ANK2: variants seen among roughly 807,000 people sequenced by gnomAD.
ANK2 encodes ankyrin 2, also known as ankyrin-2.
ANK2 carries 83 observed loss-of-function variants against 360.5 expected under a neutral mutation model. The ratio of observed to expected loss-of-function variants is 0.23; its 90% CI spans 0.19 to 0.28. The LOEUF is 0.28. Ranked by LOEUF, ANK2 falls within the 10% of genes least tolerant of loss-of-function variation. The probability of loss-of-function intolerance (pLI) is 1.00; values close to 1 mark genes in which losing one functional copy is unlikely to be tolerated. For synonymous variants in ANK2, 1,740 were observed against 1,759.5 expected, an observed-to-expected ratio of 0.99 and a Z score of 0.28; for missense variants, 4,201 against 4,795.7, an observed-to-expected ratio of 0.88 and a Z score of 3.66.
chr4:113,357,507 C>T lies in ANK2; in HGVS notation c.8889C>T (p.Thr2963=). Residue 2963 remains threonine (T), a synonymous_variant, in exon 38 of 46, where the codon ACC becomes ACT. Coordinates refer to ENST00000357077, the MANE Select transcript of ANK2 (RefSeq NM_001148.6). ...SFHSSEVYSV[T]ITSPVEDVVV... is the part of the protein sequence containing the mutation. ...ACTCTTCTGAAGTGTATTCTGTTAC[C>T]ATCACATCCCCTGTTGAAGACGTTG... is the stretch of plus-strand genomic sequence containing the variant. 1 of 1,614,110 alleles carries T rather than the reference C, an allele frequency of 6.2e-7. No homozygotes were observed. Among genetic ancestry groups the T allele is most frequent in the African/African-American group, 1.3e-5 (1 of 75,040 alleles).
intron 2 of ANK2, among the ~76,000 whole-genome samples, chr4:112,942,362 C>A (rs1308223827): frequency 6.6e-6 from 1 of 151,966 alleles, no homozygotes; most frequent in African/African-American, 2.4e-5. Flanking sequence ...CAATATTTGT[C>A]GAGAGAATGA....
At chr4:112,791,483 T>TC in the ANK2 span, among the ~76,000 whole-genome samples, 1 of 65,828 alleles carries the variant, frequency 1.5e-5, no homozygotes, top group South Asian at 4.8e-4. Context: ...CTTCTTCTTT[T>TC]TTTTTTTTTT....
chr4:113,120,749 G>A (rs2095299651), intron 1 of ANK2, among the ~76,000 whole-genome samples: 1 of 152,004 alleles, frequency 6.6e-6, no homozygotes, highest in South Asian at 2.1e-4. Context: ...TCCTGATCCT[G>A]TCCCTCCTCC....
chr4:113,088,935 C>A (rs2154352158), intron 1 of ANK2, among the ~76,000 whole-genome samples: 1 of 152,294 alleles, frequency 6.6e-6, no homozygotes, highest in African/African-American at 2.4e-5. Context: ...AGCCGTAGTT[C>A]TGCTCTAGTT....
rs539292354 is a variant in ANK2, at chr4:112,894,817, C to T, written c.-39-9638C>T. 2.6e-5 allele frequency among the ~76,000 whole-genome samples: 4 copies of T among 152,294 alleles called. No individual in the cohort carries two copies. In the South Asian group the frequency reaches 6.2e-4, roughly 24 times the overall value. On this transcript the variant is annotated intron_variant, in intron 1 of 30. Coordinates refer to the ANK2 transcript ENST00000503271. The stretch of plus-strand genomic sequence containing the variant: ...TATTTTAGCTATGATTTCTTTGAGT[C>T]ACATCAATGAAACATGCTTTAGAAC...
chr4:113,274,412 G>C (rs1231543305), intron 14 of ANK2, 40 bp from the exon 15 acceptor site: 4 of 1,598,054 alleles, frequency 2.5e-6, no homozygotes, highest in Non-Finnish European at 3.4e-6. Flanking sequence ...GTGAAGTTCT[G>C]TCTGCCCGGC....
At chr4:113,185,134 T>C (rs1457321376) in intron 2 of ANK2, among the ~76,000 whole-genome samples, 1 of 152,242 alleles carries the variant, frequency 6.6e-6, no homozygotes, top group East Asian at 1.9e-4. Flanking sequence ...GTTCCAAGTC[T>C]TTGCTATTGT....
At chr4:113,064,404 G>C (rs1046114537) in intron 1 of ANK2, among the ~76,000 whole-genome samples, 3 of 152,132 alleles carry the variant, frequency 2.0e-5, no homozygotes, top group African/African-American at 7.2e-5. Flanking sequence ...ATTGTTCTGT[G>C]AGCATACACA....
intron 7 of ANK2, among the ~76,000 whole-genome samples, chr4:113,238,269 C>G (rs2099399593): frequency 6.6e-6 from 1 of 152,108 alleles, no homozygotes; most frequent in African/African-American, 2.4e-5. Context: ...CTCTCCTTGG[C>G]CATTGCTACA....
the ANK2 span, among the ~76,000 whole-genome samples, chr4:112,810,712 C>T: frequency 2.7e-3 from 407 of 151,796 alleles, 2 homozygotes; most frequent in Non-Finnish European, 4.5e-3. Context: ...CCACCTCGCT[C>T]GGCTAATTTT....
chr4:112,764,676 T>C, the ANK2 span, among the ~76,000 whole-genome samples: 2 of 151,670 alleles, frequency 1.3e-5, no homozygotes, highest in Non-Finnish European at 2.9e-5. Flanking sequence ...CTTTCCTTTG[T>C]ATTTTGTAAC....
At chr4:113,032,472 G>A (rs1349689599) in intron 2 of ANK2, among the ~76,000 whole-genome samples, 1 of 151,964 alleles carries the variant, frequency 6.6e-6, no homozygotes, top group Non-Finnish European at 1.5e-5. Flanking sequence ...TTATTACAGG[G>A]GGATTCCATG....
At chr4:113,374,064 C>T (rs2096839997) in intron 45 of ANK2, among the ~76,000 whole-genome samples, 1 of 152,158 alleles carries the variant, frequency 6.6e-6, no homozygotes, top group African/African-American at 2.4e-5. Flanking sequence ...GCTGGGATTA[C>T]AGGCACCCAC....
intron 2 of ANK2, among the ~76,000 whole-genome samples, chr4:113,191,483 T>C (rs1162326129): frequency 1.3e-5 from 2 of 152,234 alleles, no homozygotes; most frequent in African/African-American, 4.8e-5. Flanking sequence ...TTTATTGTAA[T>C]TCAAAATACT....
chr4:112,750,618 A>G, the ANK2 span, among the ~76,000 whole-genome samples: 1 of 152,214 alleles, frequency 6.6e-6, no homozygotes, highest in South Asian at 2.1e-4. Context: ...CCCTTGAGTA[A>G]CGTGAAAGCA....
intron 30 of ANK2, 88 bp from the exon 31 acceptor site, chr4:113,336,489 G>A (rs1027425606): frequency 4.0e-6 from 5 of 1,257,958 alleles, no homozygotes; most frequent in Non-Finnish European, 4.4e-6. Context: ...ATACTTTGGG[G>A]AAGAAATTTG....
the ANK2 span, among the ~76,000 whole-genome samples, chr4:112,759,199 G>GA: frequency 6.6e-6 from 1 of 152,070 alleles, no homozygotes; most frequent in Admixed American, 6.6e-5. Context: ...GCAGGGGCGT[G>GA]ATCATAGGTC....
At chr4:112,888,182 T>C (rs2078952139) in intron 1 of ANK2, among the ~76,000 whole-genome samples, 1 of 152,190 alleles carries the variant, frequency 6.6e-6, no homozygotes, top group Admixed American at 6.5e-5. Context: ...TTTATAAGCT[T>C]TCTTTGACAA....
chr4:113,323,087 G>C (rs1045210470), intron 26 of ANK2, among the ~76,000 whole-genome samples: 5 of 152,162 alleles, frequency 3.3e-5, no homozygotes, highest in Admixed American at 2.6e-4. Flanking sequence ...TTTTACGGAA[G>C]AGCAGACTCA....
Sources: allele counts gnomAD v4.1 joint callset (sites outside exome capture counted in the v4.1 genomes callset), GRCh38; gene constraint gnomAD v4.1.1; transcripts MANE v1.5; gene names NCBI Gene and HGNC (gene_info 2026-07-23, HGNC 2026-07-21).